The following GPC2 variants were observed in gnomAD, a reference collection of about 807,000 sequenced individuals.
GPC2 encodes glypican 2.
A neutral mutation model predicts 57.3 loss-of-function variants in GPC2; 42 were observed. The observed-to-expected ratio is 0.73, with a 90% CI of 0.57 to 0.95. GPC2 has a LOEUF of 0.95. Among genes scored for constraint, GPC2 ranks in the 40% least tolerant of loss-of-function variants. GPC2 has a pLI of 0.00. For missense variants in GPC2, 745 were observed against 793.6 expected (o/e 0.94, Z 0.74); for synonymous variants, 364 against 343.4 (o/e 1.06, Z -0.66).
intron 3 of GPC2, among the ~76,000 whole-genome samples, chr7:100,175,272 G>C (rs911238285): frequency 1.3e-5 from 2 of 152,244 alleles, no homozygotes; most frequent in African/African-American, 4.8e-5. Context: ...CGATTAGGAA[G>C]GGGTTGGCAC....
chr7:100,176,847 G>A (rs1197748397), intron 1 of GPC2, among the ~76,000 whole-genome samples, 187 bp downstream of exon 1: 2 of 152,176 alleles, frequency 1.3e-5, no homozygotes, highest in Non-Finnish European at 2.9e-5. Flanking sequence ...GAGTAAGAGC[G>A]CTATTCTTTG....
intron 5 of GPC2, among the ~76,000 whole-genome samples, chr7:100,173,288 G>C (rs938608612): frequency 6.6e-6 from 1 of 151,910 alleles, no homozygotes; most frequent in Non-Finnish European, 1.5e-5. Flanking sequence ...GATTTTTTTA[G>C]ACAGGGTCTT....
At position 100,171,795 on chromosome 7, in the gene GPC2, G is replaced by C. The variant is rs1251105611; in HGVS notation, c.1154C>G (p.Thr385Ser). The C allele has an allele frequency of 6.4e-7, 1 of 1,569,714 alleles. No individual in the cohort carries two copies. The highest frequency in any genetic ancestry group is 1.8e-5 in the Admixed American group (1 of 56,456). Residue 385 changes from threonine to serine, a missense_variant, in exon 7 of 10, where the codon ACC (threonine) becomes AGC (serine). By Grantham distance (58) the Thr-to-Ser change is moderately conservative. Coordinates refer to ENST00000292377, the MANE Select transcript of GPC2 (RefSeq NM_152742.3). The surrounding 1 kb of genome is among the most constrained non-coding windows in gnomAD (Gnocchi z 4.8). The stretch of plus-strand genomic sequence containing the variant: ...CCCACGCACCAGCCGGTGCAGGTTG[G>C]TGCCTGCGGCCGTCGTGGGCCGCTC... ...EEERPTTAAG[T>S]NLHRLVWELR...
Position 100,171,155 on chromosome 7 carries a change from TAATC to T in GPC2, c.1486+102_1486+105del, listed in dbSNP as rs1799168876. 1.0e-6 allele frequency: 1 copy of T among 988,728 alleles called. No individual in the cohort carries two copies. Among genetic ancestry groups the T allele is most frequent in the East Asian group, 3.2e-5 (1 of 31,272 alleles). The allele number at this position is 988,728 out of a possible 1,614,324, so 61.2% of individuals were successfully genotyped here. On this transcript the variant is annotated intron_variant, in intron 9 of 9. Transcript: ENST00000292377. This position sits in a 1 kb window ranked among gnomAD's most constrained non-coding sequence, Gnocchi z 4.8. ...ATGCTCGTTGAATGAATTAGTGAAT[TAATC>T]AATGAACGCTAAGAGCAGAGGCACG...
At chr7:100,176,837 G>A (rs1376887135) in intron 1 of GPC2, among the ~76,000 whole-genome samples, 197 bp downstream of exon 1, 1 of 152,184 alleles carries the variant, frequency 6.6e-6, no homozygotes, top group African/African-American at 2.4e-5. Flanking sequence ...GGTGGGGATG[G>A]AGTAAGAGCG....
rs867045518 is a variant in GPC2 at position 100,172,698 on chromosome 7, C to T, written c.893-481G>A. The stretch of plus-strand genomic sequence containing the variant: ...GTGTGTGTGTGTGTATATATATATA[C>T]GTGTATATATATGTATATATACACG... On this transcript the variant is annotated intron_variant, in intron 5 of 9. Coordinates refer to ENST00000292377, the MANE Select transcript of GPC2 (RefSeq NM_152742.3). Among the ~76,000 whole-genome samples, 599 of 95,330 alleles carry T rather than the reference C, an allele frequency of 6.3e-3. 2 individuals carry two copies. Among genetic ancestry groups the T allele is most frequent in the African/African-American group, 0.02 (362 of 17,876 alleles). 62.5% of individuals were successfully genotyped at this position (95,330 alleles called of 152,430 possible). A position where few individuals can be genotyped will look rare whatever the true frequency, so the allele number is the denominator to read the frequency against.
At chr7:100,174,633 C>A (rs770199265) in intron 4 of GPC2, 52 bp downstream of exon 4, 1 of 1,361,328 alleles carries the variant, frequency 7.3e-7, no homozygotes, top group Non-Finnish European at 1.0e-6. Context: ...GGGTCTCTCT[C>A]ACTTCCACCT....
Position 100,170,470 on chromosome 7 carries a change from G to A in GPC2, c.1500C>T (p.Ser500=), listed in dbSNP as rs746598179. The stretch of plus-strand genomic sequence containing the variant: ...CATACTGCTGTCCCCCTCCAGAGCC[G>A]CTGGCATCCTCATCTGCAAGGAAGA... ...LDGQDADEDA[S]GSGGGQQYAD... is the part of the protein sequence containing the mutation. Residue 500 remains serine, a synonymous_variant, in exon 10 of 10, where the codon AGC becomes AGT. Coordinates refer to ENST00000292377, the MANE Select transcript of GPC2 (RefSeq NM_152742.3). 14 of 1,530,516 alleles carry A rather than the reference G, an allele frequency of 9.1e-6. No individual in the cohort carries two copies. Among genetic ancestry groups the A allele is most frequent in the South Asian group, 2.5e-5 (2 of 78,456 alleles). 94.8% of individuals were successfully genotyped at this position (1,530,516 alleles called of 1,614,324 possible).
chr7:100,176,131 G>T (rs1799273458), intron 2 of GPC2, 76 bp downstream of exon 2: 3 of 1,383,464 alleles, frequency 2.2e-6, no homozygotes, highest in East Asian at 5.0e-5. Context: ...AGTAAGGAGT[G>T]GGGACAGGAG....
In GPC2 at chr7:100,171,298, C is replaced by A. The variant is rs1038745200; in HGVS notation, c.1449G>T (p.Thr483=). 1 of 1,538,166 alleles carries A rather than the reference C, an allele frequency of 6.5e-7. No homozygotes were observed. The highest frequency in any genetic ancestry group is 1.2e-5 in the South Asian group (1 of 83,650). The part of the protein sequence containing the change: ...QLRAATARMK[T]AALGHDLDGQ... ...CGTCCAGGTCGTGTCCCAGTGCGGCCGTTTTCATTCTGGCCGTGGCCGCCC... is the reference window on the plus strand; with the variant it reads ...CGTCCAGGTCGTGTCCCAGTGCGGCAGTTTTCATTCTGGCCGTGGCCGCCC... Residue 483 remains threonine (T), a synonymous_variant, in exon 9 of 10, where the codon ACG becomes ACT. Transcript: ENST00000292377. The surrounding 1 kb of genome is among the most constrained non-coding windows in gnomAD (Gnocchi z 4.8).
In GPC2 at chr7:100,177,162, G is replaced by A. The variant is rs910528171; in HGVS notation, c.38C>T (p.Pro13Leu). 1.2e-6 allele frequency: 2 copies of A among 1,613,908 alleles called. No individual in the cohort carries two copies. The highest frequency in any genetic ancestry group is 1.7e-6 in the Non-Finnish European group (2 of 1,179,928). ...TCCGGGACCAGGACCGGGACACAGA[G>A]GCAGCAGCAGAAGCAGGAGAGGTCG... ...ALRPLLLLLL[P>L]LCPGPGPGPG... is the part of the protein sequence containing the mutation. The change falls in exon 1 of 10, where the codon CCT (proline) becomes CTT (leucine). Residue 13 changes from proline (P) to leucine (L), a missense_variant. Pro to Leu is a moderately conservative substitution (Grantham distance 98). This residue lies in a region of GPC2 where 138 missense variants were observed against 189.8 expected (regional missense o/e 0.73). Transcript: ENST00000292377.
chr7:100,171,935 C>G lies in GPC2; in HGVS notation c.1024-10G>C, dbSNP rs1188833373. 2 of 1,512,894 alleles carry G rather than the reference C, an allele frequency of 1.3e-6. No homozygotes were observed. Among genetic ancestry groups the G allele is most frequent in the African/African-American group, 2.8e-5 (2 of 72,254 alleles). 93.7% of individuals were successfully genotyped at this position (1,512,894 alleles called of 1,614,324 possible). The stretch of plus-strand genomic sequence containing the variant: ...CGCACTCCTGAAACACCTGCGGCAC[C>G]GGGAAGAGACCTCACACAGTCACCC... On this transcript the variant is annotated splice_polypyrimidine_tract_variant and intron_variant, in intron 6 of 9. Transcript: ENST00000292377. The surrounding 1 kb of genome is among the most constrained non-coding windows in gnomAD (Gnocchi z 4.8).
intron 2 of GPC2, 39 bp downstream of exon 2, chr7:100,176,168 G>A (rs1799274824): frequency 1.3e-6 from 2 of 1,557,504 alleles, no homozygotes; most frequent in Non-Finnish European, 8.7e-7. Context: ...AGCACCGAGA[G>A]GAGCTGTGAA....
chr7:100,173,896 G>T lies in GPC2; in HGVS notation c.831C>A (p.Leu277=). 6.2e-7 allele frequency: 1 copy of T among 1,605,954 alleles called. No homozygotes were observed. Among genetic ancestry groups the T allele is most frequent in the Non-Finnish European group, 8.5e-7 (1 of 1,176,346 alleles). ...PSLMPCQGFC[L]NVVRGCLSSR... Reference sequence around the variant, plus strand: ...TGCTGAGACAGCCACGAACCACGTTGAGGCAGAAGCCCTGGCAGGGCATAA... The same window carrying T: ...TGCTGAGACAGCCACGAACCACGTTTAGGCAGAAGCCCTGGCAGGGCATAA... Residue 277 remains leucine (L), a synonymous_variant, in exon 5 of 10, where the codon CTC becomes CTA. Transcript: ENST00000292377.
At chr7:100,175,002 T>C (rs1562958351) in intron 3 of GPC2, among the ~76,000 whole-genome samples, 1 of 151,904 alleles carries the variant, frequency 6.6e-6, no homozygotes. Flanking sequence ...GTACAGGGCT[T>C]AGAGAGAGAG....
At position 100,172,207 on chromosome 7, in the gene GPC2, C is replaced by G. The variant is rs1799191744; in HGVS notation, c.903G>C (p.Leu301=). 1 of 1,613,864 alleles carries G rather than the reference C, an allele frequency of 6.2e-7. No homozygotes were observed. The highest frequency in any genetic ancestry group is 8.5e-7 in the Non-Finnish European group (1 of 1,179,946). ...PDWGNYLDGL[L]ILADKLQGPF... The stretch of plus-strand genomic sequence containing the variant: ...GGCCCTGGAGCTTATCAGCCAGGAT[C>G]AGGAGACCATCTTAAGGGAGGGAGA... The change falls in exon 6 of 10, where the codon CTG becomes CTC. Residue 301 remains leucine (L), a synonymous_variant. Coordinates refer to ENST00000292377, the MANE Select transcript of GPC2 (RefSeq NM_152742.3).
In GPC2 at chr7:100,170,228, C is replaced by T. The variant is rs756461934; in HGVS notation, c.*2G>A. 2.2e-4 allele frequency: 337 copies of T among 1,548,788 alleles called. No individual in the cohort carries two copies. Among genetic ancestry groups the T allele is most frequent in the Non-Finnish European group, 2.7e-4 (306 of 1,145,350 alleles). ...TTCTGATGCTAGGGCACCCCTCCCC[C>T]GTTATCGAGGTCCAAGCAGGGCCAG... is the stretch of plus-strand genomic sequence containing the variant. On this transcript the variant is annotated 3_prime_UTR_variant, in exon 10 of 10. Coordinates refer to ENST00000292377, the MANE Select transcript of GPC2 (RefSeq NM_152742.3).
At position 100,170,146 on chromosome 7, in the gene GPC2, C is replaced by T. The variant is rs566185615; in HGVS notation, c.*84G>A. The T allele has an allele frequency of 1.3e-5, 18 of 1,413,168 alleles. No individual in the cohort carries two copies. The East Asian group carries it at 3.4e-4, about 26-fold the overall frequency. The allele number at this position is 1,413,168 out of a possible 1,614,324, so 87.5% of individuals were successfully genotyped here. A position where few individuals can be genotyped will look rare whatever the true frequency, so the allele number is the denominator to read the frequency against. ...CCTTCTCTACCCTCTCTGCAGCCCC[C>T]TTCGACTCCTCCCCAGGCCCAGCTG... On this transcript the variant is annotated 3_prime_UTR_variant, in exon 10 of 10. Coordinates refer to ENST00000292377, the MANE Select transcript of GPC2 (RefSeq NM_152742.3).
chr7:100,172,553 C>T (rs1451996187), intron 5 of GPC2, among the ~76,000 whole-genome samples: 1 of 150,164 alleles, frequency 6.7e-6, no homozygotes, highest in Non-Finnish European at 1.5e-5. Context: ...GCAACCTCTG[C>T]CTCCTGGGTT....
Sources: allele counts gnomAD v4.1 joint callset (sites outside exome capture counted in the v4.1 genomes callset), GRCh38; gene constraint gnomAD v4.1.1; regional missense constraint gnomAD v4.1.1; non-coding constraint Gnocchi (gnomAD v3.1); transcripts MANE v1.5; gene names NCBI Gene and HGNC (gene_info 2026-07-23, HGNC 2026-07-21).